The following XPO4 variants were observed in gnomAD, a reference collection of about 807,000 sequenced individuals.
XPO4 encodes exportin-4.
In XPO4, 39 loss-of-function variants were observed where a neutral mutation model predicts 143.0. The observed-to-expected ratio is 0.27, with a 90% CI of 0.21 to 0.36. XPO4 has a LOEUF of 0.36. Ranked by LOEUF, XPO4 falls within the 10% of genes least tolerant of loss-of-function variation. The probability of loss-of-function intolerance (pLI) is 1.00; values close to 1 mark genes in which losing one functional copy is unlikely to be tolerated. For missense variants in XPO4, 907 were observed against 1,348.0 expected (o/e 0.67, Z 5.12); for synonymous variants, 439 against 474.0 (o/e 0.93, Z 0.96).
intron 4 of XPO4, chr13:20,851,782 A>G (rs2060092745): frequency 8.1e-6 from 8 of 984,832 alleles, no homozygotes; most frequent in Non-Finnish European, 9.6e-6. Flanking sequence ...AAAACTTTGG[A>G]GTCTTTCATG....
In XPO4 at chr13:20,836,576, CT is replaced by C. The variant is rs534095613; in HGVS notation, c.727+6318del. Among the ~76,000 whole-genome samples, 120 of 152,304 alleles carry C rather than the reference CT, an allele frequency of 7.9e-4. 1 individual carries two copies. Among genetic ancestry groups the C allele is most frequent in the African/African-American group, 2.9e-3 (119 of 41,560 alleles). On this transcript the variant is annotated intron_variant, in intron 6 of 22. Coordinates refer to ENST00000255305, the MANE Select transcript of XPO4 (RefSeq NM_022459.5). The stretch of plus-strand genomic sequence containing the variant: ...CTCTCCCACAACTTTATCTCCACCC[CT>C]AATCTCCCTCTATAATTCTACTAAT...
chr13:20,804,195 C>CTA (rs942488081), intron 13 of XPO4, among the ~76,000 whole-genome samples: 5 of 149,666 alleles, frequency 3.3e-5, no homozygotes, highest in Non-Finnish European at 7.4e-5. Flanking sequence ...CTATATATAT[C>CTA]TATATATATA....
chr13:20,824,079 T>C (rs769125108), intron 7 of XPO4, among the ~76,000 whole-genome samples: 33 of 152,252 alleles, frequency 2.2e-4, no homozygotes, highest in Non-Finnish European at 4.3e-4. Context: ...CTGCAAAGCC[T>C]AAAGTGTTTA....
intron 16 of XPO4, among the ~76,000 whole-genome samples, chr13:20,798,865 A>C (rs1446980676): frequency 2.0e-5 from 3 of 152,038 alleles, no homozygotes; most frequent in African/African-American, 2.4e-5. Flanking sequence ...ACTAAAAAAA[A>C]CAAAAATTAG....
intron 15 of XPO4, among the ~76,000 whole-genome samples, chr13:20,799,843 A>C (rs541305504): frequency 3.2e-4 from 48 of 152,336 alleles, no homozygotes; most frequent in African/African-American, 1.0e-3. Flanking sequence ...GGGATGTCTA[A>C]AAATTCAAAT....
At position 20,822,254 on chromosome 13, in the gene XPO4, T is replaced by C; in HGVS notation, c.876A>G (p.Ala292=). Residue 292 remains alanine, a synonymous_variant, in exon 8 of 23, where the codon GCA becomes GCG. Transcript: ENST00000255305. ...HRKIREDSDM[A]QDSLQCLAQL... Reference sequence around the variant, plus strand: ...GGGCAAGGCACTGCAGAGAATCTTGTGCCATATCTGAATCTTCTCTGATTT... The same window carrying C: ...GGGCAAGGCACTGCAGAGAATCTTGCGCCATATCTGAATCTTCTCTGATTT... 1 of 1,613,306 alleles carries C rather than the reference T, an allele frequency of 6.2e-7. No homozygotes were observed. The highest frequency in any genetic ancestry group is 8.5e-7 in the Non-Finnish European group (1 of 1,179,690).
At chr13:20,888,232 GAAGA>G (rs908161760) in intron 1 of XPO4, among the ~76,000 whole-genome samples, 17 of 151,390 alleles carry the variant, frequency 1.1e-4, no homozygotes, top group Admixed American at 2.6e-4. Flanking sequence ...AAATGATATG[GAAGA>G]GAGAGGCAAT....
At chr13:20,810,050 G>A in intron 9 of XPO4, 83 bp from the exon 10 acceptor site, 1 of 1,171,332 alleles carries the variant, frequency 8.5e-7, no homozygotes, top group Non-Finnish European at 1.1e-6. Flanking sequence ...CATACAAATA[G>A]TTTAAATTTT....
intron 20 of XPO4, 88 bp from the exon 21 acceptor site, chr13:20,787,686 G>T: frequency 9.4e-7 from 1 of 1,058,596 alleles, no homozygotes. Flanking sequence ...AAATGGATGA[G>T]TGTTTCTAGA....
Position 20,821,698 on chromosome 13 carries a change from A to G in XPO4, c.1173+6T>C. ...TGACACAATTTACTTTAGAATAGTC[A>G]CTCACCACTTCTTCCAATGCAGCAC... On this transcript the variant is annotated splice_donor_region_variant and intron_variant, in intron 9 of 22. Transcript: ENST00000255305. The G allele has an allele frequency of 6.2e-7, 1 of 1,609,612 alleles. No individual in the cohort carries two copies. The highest frequency in any genetic ancestry group is 1.7e-5 in the Admixed American group (1 of 59,494).
intron 22 of XPO4, among the ~76,000 whole-genome samples, chr13:20,785,669 G>GAA (rs758292471): frequency 1.3e-4 from 17 of 127,684 alleles, no homozygotes; most frequent in South Asian, 5.0e-4. Flanking sequence ...CCCTGTCTCA[G>GAA]AAAAAAAAAA....
At chr13:20,816,302 T>C (rs1172341092) in intron 9 of XPO4, among the ~76,000 whole-genome samples, 3 of 152,210 alleles carry the variant, frequency 2.0e-5, no homozygotes, top group Non-Finnish European at 4.4e-5. Flanking sequence ...CCTAGCGAAG[T>C]ATCATTTAAG....
At chr13:20,797,872 G>A (rs887283724) in intron 16 of XPO4, among the ~76,000 whole-genome samples, 6 of 152,166 alleles carry the variant, frequency 3.9e-5, no homozygotes, top group Non-Finnish European at 7.3e-5. Context: ...AGAGTTGGCC[G>A]GATGCAGTGG....
intron 2 of XPO4, among the ~76,000 whole-genome samples, chr13:20,865,074 C>T (rs961102904): frequency 6.6e-6 from 1 of 152,032 alleles, no homozygotes; most frequent in Non-Finnish European, 1.5e-5. Context: ...GCTTTACTTT[C>T]GCTCTCTGTT....
chr13:20,789,856 G>A (rs760416588), intron 19 of XPO4, among the ~76,000 whole-genome samples: 3 of 151,752 alleles, frequency 2.0e-5, no homozygotes, highest in African/African-American at 7.3e-5. Context: ...ATCCTGCTAT[G>A]ACAACTCATG....
At chr13:20,787,304 G>A (rs1035423206) in intron 21 of XPO4, among the ~76,000 whole-genome samples, 177 bp downstream of exon 21, 1 of 152,118 alleles carries the variant, frequency 6.6e-6, no homozygotes, top group Non-Finnish European at 1.5e-5. Flanking sequence ...ACAAAAAATA[G>A]AGGATGAGAA....
chr13:20,790,657 A>T (rs1343518610), intron 18 of XPO4, 77 bp from the exon 19 acceptor site: 7 of 1,128,856 alleles, frequency 6.2e-6, no homozygotes, highest in Admixed American at 2.0e-5. Flanking sequence ...CCCTTATGAA[A>T]ATAAACTCAC....
At chr13:20,815,253 C>G (rs151260087) in intron 9 of XPO4, among the ~76,000 whole-genome samples, 349 of 152,260 alleles carry the variant, frequency 2.3e-3, no homozygotes, top group Non-Finnish European at 3.5e-3. Flanking sequence ...ACATCACACA[C>G]TGGTCCAAAC....
intron 4 of XPO4, 137 bp from the exon 5 acceptor site, chr13:20,844,023 T>G (rs2060006008): frequency 1.5e-6 from 1 of 669,510 alleles, no homozygotes; most frequent in Non-Finnish European, 2.6e-6. Context: ...TTATAACAAC[T>G]AGTCAGAAAA....
Sources: allele counts gnomAD v4.1 joint callset (sites outside exome capture counted in the v4.1 genomes callset), GRCh38; gene constraint gnomAD v4.1.1; transcripts MANE v1.5; gene names NCBI Gene and HGNC (gene_info 2026-07-23, HGNC 2026-07-21).